The following NCAM1 variants were observed in gnomAD, a reference collection of about 807,000 sequenced individuals.
NCAM1 encodes antigen recognized by monoclonal antibody 5.1H11.
In NCAM1, 14 loss-of-function variants were observed where a neutral mutation model predicts 109.8. The observed-to-expected ratio is 0.13, with a 90% CI of 0.08 to 0.20. The LOEUF is 0.20. Ranked by LOEUF, NCAM1 falls within the 10% of genes least tolerant of loss-of-function variation. The pLI is 1.00. For missense variants in NCAM1, 774 were observed against 1,109.9 expected (o/e 0.70, Z 4.30); for synonymous variants, 418 against 442.9 (o/e 0.94, Z 0.70).
At chr11:113,069,405 A>T (rs1182864667) in intron 1 of NCAM1, among the ~76,000 whole-genome samples, 2 of 152,212 alleles carry the variant, frequency 1.3e-5, no homozygotes, top group East Asian at 3.9e-4. Flanking sequence ...ACCATGACGA[A>T]GCCTCAGTGA....
At chr11:113,076,138 G>A (rs1938514218) in intron 1 of NCAM1, among the ~76,000 whole-genome samples, 1 of 150,124 alleles carries the variant, frequency 6.7e-6, no homozygotes, top group Admixed American at 6.7e-5. Context: ...GCTAGGACTC[G>A]GGCAGCGTCA....
intron 1 of NCAM1, among the ~76,000 whole-genome samples, chr11:113,024,968 G>T (rs917080184): frequency 2.6e-5 from 4 of 152,176 alleles, no homozygotes; most frequent in African/African-American, 9.7e-5. Flanking sequence ...GGACAATTAG[G>T]GAAAGCCGTT....
chr11:113,079,081 C>A (rs935571113), intron 1 of NCAM1, among the ~76,000 whole-genome samples: 2 of 152,074 alleles, frequency 1.3e-5, no homozygotes, highest in Admixed American at 6.6e-5. Flanking sequence ...GAGGGGCACC[C>A]GTGGCCTCTG....
At chr11:113,057,700 C>T (rs1417360173) in intron 1 of NCAM1, among the ~76,000 whole-genome samples, 1 of 151,936 alleles carries the variant, frequency 6.6e-6, no homozygotes, top group Non-Finnish European at 1.5e-5. Flanking sequence ...CATAGATAAC[C>T]CCTAGTTTCC....
At chr11:113,068,176 G>A (rs893252820) in intron 1 of NCAM1, among the ~76,000 whole-genome samples, 1 of 152,158 alleles carries the variant, frequency 6.6e-6, no homozygotes. Flanking sequence ...CTCCCAAAGT[G>A]CTGGGATTAC....
intron 1 of NCAM1, among the ~76,000 whole-genome samples, chr11:113,025,719 CAAA>C (rs57264295): frequency 5.4e-4 from 54 of 99,754 alleles, no homozygotes; most frequent in Admixed American, 1.5e-3. Context: ...CCACATCTCA[CAAA>C]AAAAAAAAAA....
In NCAM1 at chr11:113,273,535, G is replaced by A; in HGVS notation, c.2456+1659G>A. On this transcript the variant is annotated intron_variant, in intron 19 of 19. Coordinates refer to ENST00000316851, the MANE Select transcript of NCAM1 (RefSeq NM_181351.5). The surrounding 1 kb of genome is among the most constrained non-coding windows in gnomAD (Gnocchi z 6.0). ...GCCACAGCCCTTGCTAGCCCGAAGA[G>A]CGAGGCTGCCTCCGTCAGCACCACA... 2.8e-6 allele frequency: 1 copy of A among 360,872 alleles called. No homozygotes were observed. Among genetic ancestry groups the A allele is most frequent in the Non-Finnish European group, 5.7e-6 (1 of 175,306 alleles). 22.4% of individuals were successfully genotyped at this position (360,872 alleles called of 1,614,324 possible). A position where few individuals can be genotyped will look rare whatever the true frequency, so the allele number is the denominator to read the frequency against.
At chr11:113,240,659 C>T (rs1032529674) in intron 14 of NCAM1, 1 of 858,436 alleles carries the variant, frequency 1.2e-6, no homozygotes, top group Non-Finnish European at 2.0e-6. Context: ...CGGTGTTGTT[C>T]TTCCCACTTT....
In NCAM1 at chr11:112,963,404, G is replaced by C. The variant is rs1343755136; in HGVS notation, c.52+1740G>C. On this transcript the variant is annotated intron_variant, in intron 1 of 19. Coordinates refer to ENST00000316851, the MANE Select transcript of NCAM1 (RefSeq NM_181351.5). This position sits in a 1 kb window ranked among gnomAD's most constrained non-coding sequence, Gnocchi z 4.6. The stretch of plus-strand genomic sequence containing the variant: ...GCTCACTCTCGCGCCGCGGAATCCG[G>C]GCCTGAGCGCGTCGCCGGGGAGGGC... The C allele has an allele frequency of 6.6e-6, 1 of 152,194 alleles. No homozygotes were observed. Among genetic ancestry groups the C allele is most frequent in the Admixed American group, 6.5e-5 (1 of 15,286 alleles). 9.4% of individuals were successfully genotyped at this position (152,194 alleles called of 1,614,324 possible).
chr11:113,236,366 C>G, intron 14 of NCAM1: 1 of 1,586,804 alleles, frequency 6.3e-7, no homozygotes, highest in Non-Finnish European at 8.7e-7. Context: ...TTAACATCTG[C>G]TAGTTCTAGT....
In NCAM1 at chr11:113,275,255, G is replaced by C; in HGVS notation, c.2457-12G>C. 6.2e-7 allele frequency: 1 copy of C among 1,613,424 alleles called. No individual in the cohort carries two copies. The highest frequency in any genetic ancestry group is 2.2e-5 in the East Asian group (1 of 44,854). On this transcript the variant is annotated splice_polypyrimidine_tract_variant and intron_variant, in intron 19 of 19. Transcript: ENST00000316851. The stretch of plus-strand genomic sequence containing the variant: ...GTGGTCTCAGTGGTTCTGTTTTCCT[G>C]ATTCTCTGCAGGAAGGGCCCCGTAG...
intron 1 of NCAM1, among the ~76,000 whole-genome samples, chr11:113,024,314 C>A (rs949981915): frequency 6.6e-6 from 1 of 152,306 alleles, no homozygotes; most frequent in East Asian, 1.9e-4. Context: ...AGGCAACAGG[C>A]AAACTTCCAT....
chr11:113,205,773 C>G, intron 4 of NCAM1, 107 bp downstream of exon 4: 1 of 1,432,754 alleles, frequency 7.0e-7, no homozygotes, highest in South Asian at 1.4e-5. Flanking sequence ...TCATGTGTGC[C>G]CGAACCCTCA....
intron 1 of NCAM1, among the ~76,000 whole-genome samples, chr11:113,119,486 T>C (rs1940855421): frequency 6.6e-6 from 1 of 152,194 alleles, no homozygotes; most frequent in Admixed American, 6.5e-5. Context: ...TGTCTTGTTT[T>C]TGTTGGAATG....
At chr11:113,167,155 G>A (rs1024035014) in intron 1 of NCAM1, among the ~76,000 whole-genome samples, 2 of 152,176 alleles carry the variant, frequency 1.3e-5, no homozygotes, top group South Asian at 2.1e-4. Flanking sequence ...AAGCAACACC[G>A]ATCTGCCAGT....
intron 1 of NCAM1, among the ~76,000 whole-genome samples, chr11:113,013,012 A>ATTTATGTATTC (rs1952110674): frequency 6.6e-6 from 1 of 152,236 alleles, no homozygotes; most frequent in Non-Finnish European, 1.5e-5. Context: ...GGAGAGGGAG[A>ATTTATGTATTC]CAAAATACAA....
intron 15 of NCAM1, among the ~76,000 whole-genome samples, chr11:113,250,999 C>T (rs4938004): frequency 0.037 from 5,698 of 152,252 alleles, 147 homozygotes; most frequent in South Asian, 0.065. Flanking sequence ...TGGGGTTTCA[C>T]CATGTAGGCC....
chr11:113,110,671 T>A (rs188514301), intron 1 of NCAM1, among the ~76,000 whole-genome samples: 1 of 152,276 alleles, frequency 6.6e-6, no homozygotes, highest in East Asian at 1.9e-4. Context: ...CACTGAGAAA[T>A]CATAACAAAA....
rs572131692 is a variant in NCAM1 at position 113,090,412 on chromosome 11, A to G, written c.53-111967A>G. On this transcript the variant is annotated intron_variant, in intron 1 of 19. Coordinates refer to ENST00000316851, the MANE Select transcript of NCAM1 (RefSeq NM_181351.5). ...TATGGAAAAGAAGATTTAGAACTAC[A>G]TAGCGCATTATTTCACTTTCTGCGA... 3.9e-5 allele frequency among the ~76,000 whole-genome samples: 6 copies of G among 152,366 alleles called. No individual in the cohort carries two copies. The East Asian group carries it at 7.7e-4, about 20-fold the overall frequency.
Sources: allele counts gnomAD v4.1 joint callset (sites outside exome capture counted in the v4.1 genomes callset), GRCh38; gene constraint gnomAD v4.1.1; non-coding constraint Gnocchi (gnomAD v3.1); transcripts MANE v1.5; gene names NCBI Gene and HGNC (gene_info 2026-07-23, HGNC 2026-07-21).